EFL1: variants seen among roughly 807,000 people sequenced by gnomAD.
The protein encoded by EFL1 is elongation factor-like GTPase 1.
Under a neutral mutation model 126.7 loss-of-function variants are expected in EFL1, and 76 were observed. That is an observed-to-expected ratio of 0.60 (90% CI 0.50 to 0.73). EFL1 has a LOEUF of 0.73. Ranked by LOEUF, EFL1 falls within the 30% of genes least tolerant of loss-of-function variation. The probability of loss-of-function intolerance (pLI) is 0.00; values close to 1 mark genes in which losing one functional copy is unlikely to be tolerated. For missense variants in EFL1, 1,128 were observed against 1,343.2 expected (o/e 0.84, Z 2.50); for synonymous variants, 410 against 448.4 (o/e 0.91, Z 1.08).
Position 82,163,795 on chromosome 15 carries a change from C to T in EFL1, c.1882+58G>A, listed in dbSNP as rs1314077548. The T allele has an allele frequency of 1.9e-6, 3 of 1,570,270 alleles. No individual in the cohort carries two copies. The African/African-American group carries it at 4.1e-5, about 21-fold the overall frequency. ...GTCATGAGGAATCAAATACTAAATACATGCATATGCTTTAAAAGTATAATA... is the reference window on the plus strand; with the variant it reads ...GTCATGAGGAATCAAATACTAAATATATGCATATGCTTTAAAAGTATAATA... On this transcript the variant is annotated intron_variant, in intron 16 of 19. Coordinates refer to ENST00000268206, the MANE Select transcript of EFL1 (RefSeq NM_024580.6).
chr15:82,199,403 G>GGTCT (rs969482171), intron 15 of EFL1, among the ~76,000 whole-genome samples: 4 of 152,162 alleles, frequency 2.6e-5, no homozygotes, highest in African/African-American at 9.7e-5. Context: ...TTGTCTCAGG[G>GGTCT]AAGACCCTCA....
chr15:82,223,025 T>TA (rs1301371971), intron 12 of EFL1, among the ~76,000 whole-genome samples: 1 of 152,114 alleles, frequency 6.6e-6, no homozygotes, highest in Non-Finnish European at 1.5e-5. Context: ...GAGCAGTGAG[T>TA]AAAGGTCAGT....
At chr15:82,249,991 A>C (rs2075006936) in intron 4 of EFL1, among the ~76,000 whole-genome samples, 1 of 152,126 alleles carries the variant, frequency 6.6e-6, no homozygotes, top group Non-Finnish European at 1.5e-5. Flanking sequence ...CTTAACTTGC[A>C]TTTAGTACAC....
chr15:82,259,739 T>C (rs1177016616), intron 2 of EFL1, among the ~76,000 whole-genome samples: 1 of 152,212 alleles, frequency 6.6e-6, no homozygotes, highest in East Asian at 1.9e-4. Flanking sequence ...GTGTAAAGAA[T>C]GTCAGGGGTA....
At chr15:82,240,048 CA>C (rs1480465020) in intron 6 of EFL1, among the ~76,000 whole-genome samples, 10 of 152,166 alleles carry the variant, frequency 6.6e-5, no homozygotes, top group African/African-American at 2.4e-4. Flanking sequence ...ATTTATTCAA[CA>C]TATATCTATG....
chr15:82,214,526 G>T (rs13380319), intron 15 of EFL1, among the ~76,000 whole-genome samples, 191 bp downstream of exon 15: 101,136 of 151,974 alleles, frequency 0.67, 35,390 homozygotes, highest in African/African-American at 0.89. Flanking sequence ...AAAACAGAGC[G>T]ACTATAATTT....
At chr15:82,247,519 G>T (rs1596008173) in intron 4 of EFL1, among the ~76,000 whole-genome samples, 1 of 152,016 alleles carries the variant, frequency 6.6e-6, no homozygotes, top group Admixed American at 6.6e-5. Context: ...TGAAAACAAG[G>T]GTAGAAGAAT....
At chr15:82,208,000 C>A (rs2074544507) in intron 15 of EFL1, among the ~76,000 whole-genome samples, 1 of 152,114 alleles carries the variant, frequency 6.6e-6, no homozygotes, top group Non-Finnish European at 1.5e-5. Flanking sequence ...GGATTACAGG[C>A]GTGAGCCATG....
chr15:82,156,864 T>C (rs891472150), intron 17 of EFL1, among the ~76,000 whole-genome samples: 6 of 152,218 alleles, frequency 3.9e-5, no homozygotes, highest in African/African-American at 1.4e-4. Context: ...TGAATATCTT[T>C]CATTTGTCTT....
chr15:82,219,529 C>T (rs2074685647), intron 14 of EFL1, 123 bp downstream of exon 14: 1 of 1,038,060 alleles, frequency 9.6e-7, no homozygotes, highest in African/African-American at 1.6e-5. Flanking sequence ...CACAGTCACT[C>T]AAGTGTGCCT....
chr15:82,182,517 A>T (rs1430761904), intron 15 of EFL1, among the ~76,000 whole-genome samples: 1 of 152,114 alleles, frequency 6.6e-6, no homozygotes, highest in Non-Finnish European at 1.5e-5. Flanking sequence ...GAGGATGGCA[A>T]GATGCCTGTA....
chr15:82,134,082 C>T (rs1472745565), intron 19 of EFL1, among the ~76,000 whole-genome samples: 3 of 152,140 alleles, frequency 2.0e-5, no homozygotes, highest in Non-Finnish European at 4.4e-5. Flanking sequence ...CTGGGTTCTT[C>T]TATTTGTAAG....
At chr15:82,217,107 G>C (rs1291718371) in intron 14 of EFL1, among the ~76,000 whole-genome samples, 1 of 151,906 alleles carries the variant, frequency 6.6e-6, no homozygotes, top group East Asian at 1.9e-4. Context: ...AACTAAAACT[G>C]CAAAATACCG....
intron 15 of EFL1, among the ~76,000 whole-genome samples, chr15:82,212,027 C>G (rs1392002346): frequency 6.6e-6 from 1 of 152,068 alleles, no homozygotes. Context: ...CTGACAAAAT[C>G]CAGGGAAGAT....
chr15:82,138,141 C>A (rs1382805120), intron 19 of EFL1, among the ~76,000 whole-genome samples: 1 of 152,112 alleles, frequency 6.6e-6, no homozygotes, highest in Non-Finnish European at 1.5e-5. Flanking sequence ...TTCCACAACA[C>A]CTGAAAGCCA....
At chr15:82,167,017 A>G (rs1483152379) in intron 15 of EFL1, among the ~76,000 whole-genome samples, 4 of 152,240 alleles carry the variant, frequency 2.6e-5, no homozygotes, top group African/African-American at 7.2e-5. Context: ...ACGGGGGAAT[A>G]AAATTCAAAA....
chr15:82,212,139 T>C, intron 15 of EFL1, among the ~76,000 whole-genome samples: 1 of 152,152 alleles, frequency 6.6e-6, no homozygotes. Flanking sequence ...TCTGTTTGTA[T>C]TTTACCAAAA....
At chr15:82,224,927 AACTT>A (rs2074746049) in intron 12 of EFL1, among the ~76,000 whole-genome samples, 1 of 152,220 alleles carries the variant, frequency 6.6e-6, no homozygotes, top group Non-Finnish European at 1.5e-5. Context: ...ATACTCTTCA[AACTT>A]ACATCACTTC....
Position 82,232,482 on chromosome 15 carries a change from C to T in EFL1, c.732-1511G>A, listed in dbSNP as rs185632921. On this transcript the variant is annotated intron_variant, in intron 7 of 19. Coordinates refer to ENST00000268206, the MANE Select transcript of EFL1 (RefSeq NM_024580.6). Reference sequence around the variant, plus strand: ...TCTACTAACCTGTGAAAATCGCCCCCAAACCATGTGCCTACAGAGTTCTAC... The same window carrying T: ...TCTACTAACCTGTGAAAATCGCCCCTAAACCATGTGCCTACAGAGTTCTAC... Among the ~76,000 whole-genome samples the T allele has an allele frequency of 2.0e-5, 3 of 152,294 alleles. No homozygotes were observed. The East Asian group carries it at 5.8e-4, about 29-fold the overall frequency.
Sources: gnomAD v4.1 joint callset for allele counts (sites outside exome capture counted in the v4.1 genomes callset) on GRCh38, gnomAD v4.1.1 for gene constraint, MANE v1.5 for transcripts, NCBI Gene and HGNC (gene_info 2026-07-23, HGNC 2026-07-21) for gene names.